BRWD3: variants seen among roughly 807,000 people sequenced by gnomAD.
BRWD3 encodes the protein bromodomain and WD repeat-containing protein 3.
In BRWD3, 10 loss-of-function variants were observed where a neutral mutation model predicts 149.7. The ratio of observed to expected loss-of-function variants is 0.07; its 90% CI spans 0.04 to 0.11. The LOEUF (loss-of-function observed/expected upper bound fraction) is 0.11, where lower values mean the gene tolerates loss of function less well. Among genes scored for constraint, BRWD3 ranks in the 10% least tolerant of loss-of-function variants. The pLI is 1.00. For synonymous variants in BRWD3, 504 were observed against 456.7 expected (o/e 1.10, Z -1.32); for missense variants, 940 against 1,373.2 (o/e 0.68, Z 4.99).
chrX:80,744,001 T>C (rs763652797), intron 8 of BRWD3, 31 bp downstream of exon 8: 3 of 1,118,448 alleles, frequency 2.7e-6, no homozygotes, highest in East Asian at 3.0e-5. Flanking sequence ...TTTTTACATA[T>C]GTTCAAGCTA....
At chrX:80,714,424 T>A (rs1234140880) in intron 20 of BRWD3, among the ~76,000 whole-genome samples, 1 of 109,314 alleles carries the variant, frequency 9.1e-6, no homozygotes, top group Non-Finnish European at 1.9e-5. Flanking sequence ...AATCCAGACA[T>A]TCCTTTCTCT....
At chrX:80,731,794 C>A (rs1281366448) in intron 12 of BRWD3, among the ~76,000 whole-genome samples, 1 of 102,983 alleles carries the variant, frequency 9.7e-6, no homozygotes, top group Admixed American at 1.1e-4. Flanking sequence ...ACTTGGGAGG[C>A]TGAGGCAGGA....
chrX:80,706,613 G>A (rs2072869861), intron 22 of BRWD3, among the ~76,000 whole-genome samples: 1 of 112,100 alleles, frequency 8.9e-6, no homozygotes, highest in Non-Finnish European at 1.9e-5. Context: ...AACACATGGA[G>A]CTTTTATCTC....
At chrX:80,781,084 C>T (rs182139505) in intron 6 of BRWD3, among the ~76,000 whole-genome samples, 203 of 111,944 alleles carry the variant, frequency 1.8e-3, no homozygotes, top group African/African-American at 6.3e-3. Context: ...GAGCTGTATA[C>T]AGTGTAAATT....
intron 12 of BRWD3, 30 bp downstream of exon 12, chrX:80,733,426 T>C (rs773544979): frequency 1.8e-6 from 2 of 1,128,590 alleles, no homozygotes; most frequent in Non-Finnish European, 1.2e-6. Flanking sequence ...ATCAAACATT[T>C]GTTTACACAA....
At position 80,729,899 on chromosome X, in the gene BRWD3, C is replaced by A; in HGVS notation, c.1232+17G>T. 1 of 1,032,185 alleles carries A rather than the reference C, an allele frequency of 9.7e-7. No individual in the cohort carries two copies. The allele number at this position is 1,032,185 out of a possible 1,213,427, so 85.1% of individuals were successfully genotyped here. ...TATATCATGAGAACCACATAAACAT[C>A]TAACATATATTCTTACCCAGTCATT... On this transcript the variant is annotated intron_variant, in intron 13 of 40. Transcript: ENST00000373275.
intron 6 of BRWD3, among the ~76,000 whole-genome samples, chrX:80,753,088 A>G (rs1221152248): frequency 1.8e-5 from 2 of 111,454 alleles, no homozygotes; most frequent in Admixed American, 1.9e-4. Flanking sequence ...AGTTCCTTGT[A>G]TATTTTGGTT....
chrX:80,793,912 C>T lies in BRWD3; in HGVS notation c.181-140G>A, dbSNP rs569526114. 1.8e-5 allele frequency: 12 copies of T among 652,416 alleles called. No individual in the cohort carries two copies. In the East Asian group the frequency reaches 2.2e-4, roughly 12 times the overall value. 53.8% of individuals were successfully genotyped at this position (652,416 alleles called of 1,213,427 possible). ...ATGGAATCAGGCCTGGGCGCGATGG[C>T]TCACGCCTGTAATCCCAAAACTTTG... On this transcript the variant is annotated intron_variant, in intron 4 of 40. Coordinates refer to ENST00000373275, the MANE Select transcript of BRWD3 (RefSeq NM_153252.5).
At chrX:80,777,892 T>A (rs1046723304) in intron 6 of BRWD3, among the ~76,000 whole-genome samples, 1 of 111,245 alleles carries the variant, frequency 9.0e-6, no homozygotes, top group African/African-American at 3.3e-5. Context: ...GCTAAATGGG[T>A]CCTCCATCCT....
intron 22 of BRWD3, 124 bp from the exon 23 acceptor site, chrX:80,704,970 T>A: frequency 1.3e-6 from 1 of 740,738 alleles, no homozygotes; most frequent in Non-Finnish European, 2.0e-6. Flanking sequence ...TTTTCTAACT[T>A]AAGAGAAAAA....
Position 80,676,618 on chromosome X carries a change from C to T in BRWD3, c.5400G>A (p.Trp1800Ter). The change falls in exon 41 of 41, where the codon TGG (tryptophan) becomes TGA (stop). Residue 1800 changes from tryptophan (W) to a stop codon, truncating the protein, a stop_gained. Transcript: ENST00000373275. LOFTEE classifies it high-confidence loss of function. ...CTAAATTTATTAACTGTTAATAATT[C>T]CATCCCATGAGATGGCTAACCCTGG... Reference protein sequence around the residue: ...EKARVSHLMGWNY With the variant: ...EKARVSHLMG 8.3e-7 allele frequency: 1 copy of T among 1,210,267 alleles called. No individual in the cohort carries two copies. The highest frequency in any genetic ancestry group is 1.1e-6 in the Non-Finnish European group (1 of 894,729).
chrX:80,769,362 T>A (rs2073906508), intron 6 of BRWD3, among the ~76,000 whole-genome samples: 1 of 111,561 alleles, frequency 9.0e-6, no homozygotes, highest in Non-Finnish European at 1.9e-5. Context: ...CCTCAGCAAA[T>A]GTAAAAGAAC....
intron 31 of BRWD3, 38 bp from the exon 32 acceptor site, chrX:80,690,130 A>T (rs1234296319): frequency 2.6e-6 from 3 of 1,175,524 alleles, no homozygotes. Flanking sequence ...CTTGGCTAAT[A>T]TATTTAAAGT....
At chrX:80,765,731 A>G (rs62605605) in intron 6 of BRWD3, among the ~76,000 whole-genome samples, 13,889 of 111,079 alleles carry the variant, frequency 0.13, 722 homozygotes, top group South Asian at 0.43. Context: ...AATTGATGTT[A>G]ATTTTACCTC....
chrX:80,702,856 A>G (rs2072809557), intron 24 of BRWD3, among the ~76,000 whole-genome samples: 1 of 112,044 alleles, frequency 8.9e-6, no homozygotes, highest in African/African-American at 3.2e-5. Flanking sequence ...GTGTAAAAAC[A>G]TTTAATTGAT....
intron 13 of BRWD3, among the ~76,000 whole-genome samples, chrX:80,729,280 A>C (rs891726496): frequency 8.9e-6 from 1 of 111,783 alleles, no homozygotes; most frequent in Non-Finnish European, 1.9e-5. Flanking sequence ...TTAAAAACCC[A>C]TAGGTCTTAT....
chrX:80,702,896 A>G (rs1206971863), intron 24 of BRWD3, among the ~76,000 whole-genome samples: 1 of 111,815 alleles, frequency 8.9e-6, no homozygotes, highest in East Asian at 2.8e-4. Context: ...GACAATATCC[A>G]AGCCAAAAAG....
rs185734760 is a variant in BRWD3, at chrX:80,674,666, A to T, written c.*1943T>A. On this transcript the variant is annotated 3_prime_UTR_variant, in exon 41 of 41. Transcript: ENST00000373275. ...AAAGTGGCAGCTGAGTTACAACCAGAAGTAGTTTTGGTTTAGTGAAAAAAA... is the reference window on the plus strand; with the variant it reads ...AAAGTGGCAGCTGAGTTACAACCAGTAGTAGTTTTGGTTTAGTGAAAAAAA... 5.1e-4 allele frequency: 57 copies of T among 111,895 alleles called. No individual in the cohort carries two copies. The highest frequency in any genetic ancestry group is 1.7e-3 in the African/African-American group (54 of 30,917). The allele number at this position is 111,895 out of a possible 1,213,427, so 9.2% of individuals were successfully genotyped here.
intron 6 of BRWD3, among the ~76,000 whole-genome samples, chrX:80,784,171 C>A (rs1266403706): frequency 9.0e-6 from 1 of 111,073 alleles, no homozygotes; most frequent in Non-Finnish European, 1.9e-5. Context: ...TATCCCTGTA[C>A]AAAATATCTC....
Sources: gnomAD v4.1 joint callset for allele counts (sites outside exome capture counted in the v4.1 genomes callset) on GRCh38, gnomAD v4.1.1 for gene constraint, MANE v1.5 for transcripts, NCBI Gene and HGNC (gene_info 2026-07-23, HGNC 2026-07-21) for gene names.